Variants in TRPS1 observed in about 807,000 individuals in gnomAD.
TRPS1 encodes transcriptional repressor GATA binding 1.
Under a neutral mutation model 101.2 loss-of-function variants are expected in TRPS1, and 6 were observed. The ratio of observed to expected loss-of-function variants is 0.06; its 90% CI spans 0.03 to 0.12. The LOEUF is 0.12. Among genes scored for constraint, TRPS1 ranks in the 10% least tolerant of loss-of-function variants. The pLI, the probability that TRPS1 is intolerant of heterozygous loss-of-function variation, is 1.00. For synonymous variants in TRPS1, 578 were observed against 589.8 expected (o/e 0.98, Z 0.29); for missense variants, 1,363 against 1,567.0 (o/e 0.87, Z 2.20).
At chr8:115,534,182 T>C (rs563043668) in intron 5 of TRPS1, among the ~76,000 whole-genome samples, 25 of 151,428 alleles carry the variant, frequency 1.7e-4, no homozygotes, top group South Asian at 1.3e-3. Context: ...CTAACCCTAA[T>C]ACCATCACAC....
intron 5 of TRPS1, among the ~76,000 whole-genome samples, chr8:115,570,839 C>T (rs1817187177): frequency 6.6e-6 from 1 of 152,082 alleles, no homozygotes; most frequent in Admixed American, 6.6e-5. Flanking sequence ...CCAACTCAAT[C>T]CCATGTAAAC....
intron 5 of TRPS1, among the ~76,000 whole-genome samples, chr8:115,542,023 A>G (rs550434745): frequency 1.7e-4 from 26 of 152,344 alleles, no homozygotes; most frequent in Non-Finnish European, 3.5e-4. Flanking sequence ...CTTCTGCAAA[A>G]GAGATTAATG....
intron 5 of TRPS1, among the ~76,000 whole-genome samples, chr8:115,521,858 C>T (rs1217545050): frequency 6.6e-6 from 1 of 151,586 alleles, no homozygotes; most frequent in Non-Finnish European, 1.5e-5. Context: ...TATATCTTTC[C>T]CTGATTTTAC....
At chr8:115,589,350 TAA>T (rs1171703841) in intron 4 of TRPS1, among the ~76,000 whole-genome samples, 3 of 152,192 alleles carry the variant, frequency 2.0e-5, no homozygotes, top group African/African-American at 7.2e-5. Flanking sequence ...CATTCCTTTA[TAA>T]GACATGTCTG....
At chr8:115,457,424 T>G (rs1314994984) in intron 5 of TRPS1, among the ~76,000 whole-genome samples, 18 of 152,060 alleles carry the variant, frequency 1.2e-4, no homozygotes, top group Admixed American at 1.2e-3. Flanking sequence ...ATCATAGAGA[T>G]AGAGAAGAAG....
chr8:115,652,984 G>A (rs979493863), intron 1 of TRPS1, among the ~76,000 whole-genome samples: 1 of 152,082 alleles, frequency 6.6e-6, no homozygotes, highest in Non-Finnish European at 1.5e-5. Context: ...TTAAAATACA[G>A]CAACTCATCT....
rs530452167 is a variant in TRPS1 at position 115,569,159 on chromosome 8, A to G, written c.2700+17842T>C. Among the ~76,000 whole-genome samples, 15 of 152,174 alleles carry G rather than the reference A, an allele frequency of 9.9e-5. No homozygotes were observed. The East Asian group carries it at 2.7e-3, about 27-fold the overall frequency. On this transcript the variant is annotated intron_variant, in intron 5 of 6. Coordinates refer to ENST00000395715, the MANE Select transcript of TRPS1 (RefSeq NM_014112.5). ...AAGATTACAGAAAAAGACTTTCCTGACTTTGATTATTTTTTTCATGAATCC... is the reference window on the plus strand; with the variant it reads ...AAGATTACAGAAAAAGACTTTCCTGGCTTTGATTATTTTTTTCATGAATCC...
chr8:115,436,948 T>G (rs1346912492), intron 5 of TRPS1, among the ~76,000 whole-genome samples: 1 of 152,198 alleles, frequency 6.6e-6, no homozygotes, highest in African/African-American at 2.4e-5. Flanking sequence ...AGTCAATACA[T>G]TTCATAGATA....
intron 5 of TRPS1, among the ~76,000 whole-genome samples, chr8:115,548,068 T>TAA (rs201746340): frequency 1.3e-4 from 17 of 129,940 alleles, no homozygotes; most frequent in African/African-American, 3.1e-4. Context: ...CATCTCTACA[T>TAA]AAAAAAAAAA....
rs147034220 is a variant in TRPS1, at chr8:115,473,803, AC to A, written c.2701-55352del. ...TTCCTATTATCCTAGCTGTACAACC[AC>A]AACCATAAAAACATGGCATTTTCCA... On this transcript the variant is annotated intron_variant, in intron 5 of 6. Transcript: ENST00000395715. Among the ~76,000 whole-genome samples, 208 of 152,328 alleles carry A rather than the reference AC, an allele frequency of 1.4e-3. 4 individuals are homozygous for A. Among genetic ancestry groups the A allele is most frequent in the African/African-American group, 4.8e-3 (199 of 41,584 alleles).
At chr8:115,655,354 A>G (rs1170231671) in intron 1 of TRPS1, among the ~76,000 whole-genome samples, 1 of 152,184 alleles carries the variant, frequency 6.6e-6, no homozygotes, top group East Asian at 1.9e-4. Context: ...TCTTAAGCCT[A>G]AACCCGTATT....
intron 5 of TRPS1, among the ~76,000 whole-genome samples, chr8:115,455,775 C>CTTTCTTTCTTT (rs1554622479): frequency 5.8e-5 from 7 of 119,992 alleles, no homozygotes; most frequent in African/African-American, 2.4e-4. Flanking sequence ...TTCTTTCTTT[C>CTTTCTTTCTTT]TTTTTTTTTT....
intron 5 of TRPS1, among the ~76,000 whole-genome samples, chr8:115,503,772 C>G (rs1815375929): frequency 6.6e-6 from 1 of 152,068 alleles, no homozygotes; most frequent in African/African-American, 2.4e-5. Flanking sequence ...CTTGATTGAT[C>G]CTGGAGTTAT....
At position 115,587,204 on chromosome 8, in the gene TRPS1, T is replaced by C. The variant is rs1199535910; in HGVS notation, c.2497A>G (p.Thr833Ala). Residue 833 changes from threonine (T) to alanine (A), a missense_variant, in exon 5 of 7, where the codon ACC becomes GCC. Physicochemically the swap from Thr to Ala is moderately conservative, Grantham distance 58. This residue lies in a region of TRPS1 where 1,020 missense variants were observed against 1,073.0 expected (regional missense o/e 0.95). Coordinates refer to ENST00000395715, the MANE Select transcript of TRPS1 (RefSeq NM_014112.5). ...CTTAGAGTCTTTGTCTGCTCTTGGGTGCCAGACACAGGCGTCAGCAGCCCC... is the reference window on the plus strand; with the variant it reads ...CTTAGAGTCTTTGTCTGCTCTTGGGCGCCAGACACAGGCGTCAGCAGCCCC... ...SLGLLTPVSG[T>A]QEQTKTLRDS... 1.9e-6 allele frequency: 3 copies of C among 1,614,204 alleles called. No individual in the cohort carries two copies. Among genetic ancestry groups the C allele is most frequent in the Non-Finnish European group, 2.5e-6 (3 of 1,180,022 alleles).
At chr8:115,570,964 G>A (rs1038841013) in intron 5 of TRPS1, among the ~76,000 whole-genome samples, 1 of 152,202 alleles carries the variant, frequency 6.6e-6, no homozygotes, top group African/African-American at 2.4e-5. Context: ...AGAAAGGTCA[G>A]ACTAGCTTGG....
chr8:115,507,489 T>C (rs1435982059), intron 5 of TRPS1, among the ~76,000 whole-genome samples: 1 of 151,946 alleles, frequency 6.6e-6, no homozygotes, highest in Non-Finnish European at 1.5e-5. Context: ...TTTTCACACA[T>C]GGAATCAATA....
chr8:115,572,786 T>C (rs1817235115), intron 5 of TRPS1, among the ~76,000 whole-genome samples: 1 of 152,178 alleles, frequency 6.6e-6, no homozygotes, highest in African/African-American at 2.4e-5. Flanking sequence ...ACCAGCTTCA[T>C]TATTTTACCC....
At chr8:115,437,483 A>G (rs2129862345) in intron 5 of TRPS1, among the ~76,000 whole-genome samples, 1 of 152,356 alleles carries the variant, frequency 6.6e-6, no homozygotes, top group African/African-American at 2.4e-5. Flanking sequence ...CAATGATGAC[A>G]AAGGTAGCAT....
At chr8:115,527,532 C>T (rs1234978299) in intron 5 of TRPS1, among the ~76,000 whole-genome samples, 1 of 151,890 alleles carries the variant, frequency 6.6e-6, no homozygotes, top group Non-Finnish European at 1.5e-5. Flanking sequence ...AATTCAGTGG[C>T]AGGATTAGAA....
Sources: gnomAD v4.1 joint callset for allele counts (sites outside exome capture counted in the v4.1 genomes callset) on GRCh38, gnomAD v4.1.1 for gene constraint, gnomAD v4.1.1 regional missense constraint, MANE v1.5 for transcripts, NCBI Gene and HGNC (gene_info 2026-07-23, HGNC 2026-07-21) for gene names.